CD109: variants seen among roughly 807,000 people sequenced by gnomAD.
The protein encoded by CD109 is CD109 antigen.
Under a neutral mutation model 165.8 loss-of-function variants are expected in CD109, and 149 were observed. That is an observed-to-expected ratio of 0.90 (90% CI 0.79 to 1.03). The LOEUF is 1.03. Ranked by LOEUF, CD109 falls within the 50% of genes least tolerant of loss-of-function variation. CD109 has a pLI of 0.00. For missense variants in CD109, 1,712 were observed against 1,677.8 expected, an observed-to-expected ratio of 1.02 and a Z score of -0.36; for synonymous variants, 585 against 592.1, an observed-to-expected ratio of 0.99 and a Z score of 0.18.
Position 73,783,761 on chromosome 6 carries a change from G to A in CD109, c.2160G>A (p.Trp720Ter). Residue 720 changes from tryptophan to a stop codon, truncating the protein, a stop_gained, in exon 19 of 33, where the codon TGG becomes TGA. Coordinates refer to ENST00000287097, the MANE Select transcript of CD109 (RefSeq NM_133493.5). LOFTEE classifies it high-confidence loss of function. The part of the protein sequence containing the change: ...EVTVPDSITS[W>*]VATGFVISED... The stretch of plus-strand genomic sequence containing the variant: ...CTGTACCTGATTCTATCACTTCTTG[G>A]GTGGCTACTGGTTTTGTGATCTCTG... The A allele has an allele frequency of 6.2e-7, 1 of 1,613,284 alleles. No individual in the cohort carries two copies. The highest frequency in any genetic ancestry group is 1.3e-5 in the African/African-American group (1 of 74,960).
At position 73,722,286 on chromosome 6, in the gene CD109, C is replaced by T. The variant is rs893638259; in HGVS notation, c.248-965C>T. 2.6e-4 allele frequency among the ~76,000 whole-genome samples: 39 copies of T among 152,118 alleles called. 1 individual carries two copies. The highest frequency in any genetic ancestry group is 2.6e-3 in the Admixed American group (39 of 15,284). Reference sequence around the variant, plus strand: ...GTCACGCACTGTTCTATATGCTTTACAGGTATCAACATACGTATTCCTTAT... The same window carrying T: ...GTCACGCACTGTTCTATATGCTTTATAGGTATCAACATACGTATTCCTTAT... On this transcript the variant is annotated intron_variant, in intron 2 of 32. Coordinates refer to ENST00000287097, the MANE Select transcript of CD109 (RefSeq NM_133493.5).
intron 15 of CD109, among the ~76,000 whole-genome samples, chr6:73,776,543 C>T (rs528682664): frequency 2.7e-4 from 39 of 144,776 alleles, no homozygotes; most frequent in Middle Eastern, 4.1e-3. Flanking sequence ...TGAGCCACCA[C>T]GCAAGTGGCC....
chr6:73,818,418 T>C lies in CD109; in HGVS notation c.3942T>C (p.Ala1314=). The change falls in exon 31 of 33, where the codon GCT becomes GCC. Residue 1314 remains alanine, a synonymous_variant. Transcript: ENST00000287097. The part of the protein sequence containing the change: ...SFSGPGRSGM[A]LMEVNLLSGF... The stretch of plus-strand genomic sequence containing the variant: ...CGGGCCCGGGTAGGAGTGGCATGGC[T>C]CTTATGGAAGTTAACCTATTAAGTG... The C allele has an allele frequency of 1.2e-6, 2 of 1,613,920 alleles. No homozygotes were observed. Among genetic ancestry groups the C allele is most frequent in the Non-Finnish European group, 1.7e-6 (2 of 1,179,970 alleles).
At chr6:73,780,543 T>C in intron 16 of CD109, 45 bp downstream of exon 16, 1 of 1,243,598 alleles carries the variant, frequency 8.0e-7, no homozygotes, top group Non-Finnish European at 1.2e-6. Context: ...TATTTTTTAC[T>C]ATTGCAAACC....
chr6:73,817,114 A>G (rs1396307562), intron 30 of CD109, among the ~76,000 whole-genome samples: 1 of 152,236 alleles, frequency 6.6e-6, no homozygotes, highest in Non-Finnish European at 1.5e-5. Flanking sequence ...GCAGCACATT[A>G]TAAAAAGATT....
At chr6:73,790,739 C>G (rs1774894198) in intron 22 of CD109, among the ~76,000 whole-genome samples, 3 of 152,070 alleles carry the variant, frequency 2.0e-5, no homozygotes, top group African/African-American at 7.2e-5. Flanking sequence ...TTTGTCTATT[C>G]AGGCTGTCAG....
At chr6:73,778,896 A>G (rs1479250089) in intron 15 of CD109, among the ~76,000 whole-genome samples, 1 of 152,166 alleles carries the variant, frequency 6.6e-6, no homozygotes, top group African/African-American at 2.4e-5. Context: ...CTAAAAAGGT[A>G]TAATACTTGA....
At position 73,820,554 on chromosome 6, in the gene CD109, T is replaced by C; in HGVS notation, c.4153T>C (p.Tyr1385His). ...TGCTTCAGTGTCCATAGTGGATTAC[T>C]ATGAGCCAAGTAAGTATGCTCTGGA... The part of the protein sequence containing the change: ...QDASVSIVDY[Y>H]EPRRQAVRSY... The change falls in exon 32 of 33, where the codon TAT becomes CAT. Residue 1385 changes from tyrosine to histidine, a missense_variant. Coordinates refer to ENST00000287097, the MANE Select transcript of CD109 (RefSeq NM_133493.5). 6.3e-7 allele frequency: 1 copy of C among 1,586,332 alleles called. No homozygotes were observed. Among genetic ancestry groups the C allele is most frequent in the Non-Finnish European group, 8.6e-7 (1 of 1,157,718 alleles).
chr6:73,766,714 G>GT (rs1773864999), intron 11 of CD109, 45 bp from the exon 12 acceptor site: 1 of 1,348,164 alleles, frequency 7.4e-7, no homozygotes, highest in Non-Finnish European at 1.0e-6. Flanking sequence ...TTCTCAAGGT[G>GT]TTACTAAAGA....
chr6:73,747,904 G>A (rs1320826386), intron 5 of CD109, among the ~76,000 whole-genome samples: 1 of 146,082 alleles, frequency 6.8e-6, no homozygotes, highest in Non-Finnish European at 1.5e-5. Flanking sequence ...TTCCTACCCT[G>A]AGACAGAGTC....
At chr6:73,717,154 A>C (rs1011775548) in intron 2 of CD109, among the ~76,000 whole-genome samples, 2 of 150,514 alleles carry the variant, frequency 1.3e-5, no homozygotes, top group African/African-American at 4.9e-5. Flanking sequence ...TTTTATGCCA[A>C]TATCATACTG....
At chr6:73,766,277 C>A (rs1213925922) in intron 11 of CD109, 123 bp downstream of exon 11, 2 of 756,450 alleles carry the variant, frequency 2.6e-6, no homozygotes, top group African/African-American at 3.5e-5. Flanking sequence ...TTCTGTTTCA[C>A]AAAATGGAGG....
chr6:73,791,484 C>A (rs1562071407), intron 22 of CD109, among the ~76,000 whole-genome samples: 1 of 151,930 alleles, frequency 6.6e-6, no homozygotes, highest in Admixed American at 6.6e-5. Context: ...CACACGCACA[C>A]ATATACACAG....
At chr6:73,708,235 G>A (rs985752509) in intron 2 of CD109, among the ~76,000 whole-genome samples, 24 of 151,968 alleles carry the variant, frequency 1.6e-4, no homozygotes, top group African/African-American at 5.6e-4. Flanking sequence ...ACCTATGAGT[G>A]AGAACATGCG....
intron 23 of CD109, among the ~76,000 whole-genome samples, chr6:73,801,817 G>T (rs1775368620): frequency 6.6e-6 from 1 of 152,190 alleles, no homozygotes; most frequent in South Asian, 2.1e-4. Context: ...GAGTATGGTT[G>T]CCAAGCTTTG....
intron 5 of CD109, among the ~76,000 whole-genome samples, chr6:73,740,387 G>A (rs1323199055): frequency 6.6e-6 from 1 of 152,092 alleles, no homozygotes; most frequent in African/African-American, 2.4e-5. Flanking sequence ...CATACTTGAC[G>A]GCTCCTTGGC....
Position 73,700,252 on chromosome 6 carries a change from ATT to A in CD109, c.247+2693_247+2694del, listed in dbSNP as rs34683764. On this transcript the variant is annotated intron_variant, in intron 2 of 32. Transcript: ENST00000287097. Reference sequence around the variant, plus strand: ...CAAGTGCCAGCATGCTAGGTTTAAAATTTTTTTTTTTTTTGTAGAGATGGGGT... The same window carrying A: ...CAAGTGCCAGCATGCTAGGTTTAAAATTTTTTTTTTTTGTAGAGATGGGGT... 5.2e-4 allele frequency among the ~76,000 whole-genome samples: 76 copies of A among 147,104 alleles called. 1 individual carries two copies. The highest frequency in any genetic ancestry group is 3.0e-3 in the East Asian group (15 of 4,996).
chr6:73,760,437 G>GC (rs1395110563), intron 7 of CD109, among the ~76,000 whole-genome samples: 37 of 82,974 alleles, frequency 4.5e-4, no homozygotes, highest in Middle Eastern at 0.011. Flanking sequence ...AAAAAAAAAA[G>GC]CCTTTCTGGC....
intron 32 of CD109, 131 bp downstream of exon 32, chr6:73,820,694 G>C: frequency 2.0e-6 from 1 of 497,906 alleles, no homozygotes; most frequent in Non-Finnish European, 3.5e-6. Context: ...ACAGGAGGCG[G>C]GGGGGCAGGA....
Sources: gnomAD v4.1 joint callset for allele counts (sites outside exome capture counted in the v4.1 genomes callset) on GRCh38, gnomAD v4.1.1 for gene constraint, MANE v1.5 for transcripts, NCBI Gene and HGNC (gene_info 2026-07-23, HGNC 2026-07-21) for gene names.